ZPBP: variants seen among roughly 807,000 people sequenced by gnomAD.
ZPBP encodes zona pellucida-binding protein 1.
ZPBP carries 26 observed loss-of-function variants against 44.8 expected under a neutral mutation model. The observed-to-expected ratio is 0.58, with a 90% CI of 0.43 to 0.81. The LOEUF (loss-of-function observed/expected upper bound fraction) is 0.81, where lower values mean the gene tolerates loss of function less well. ZPBP is among the 30% of genes least tolerant of loss of function. ZPBP has a pLI of 0.00. For synonymous variants in ZPBP, 174 were observed against 153.2 expected, an observed-to-expected ratio of 1.14 and a Z score of -1.00; for missense variants, 409 against 434.0, an observed-to-expected ratio of 0.94 and a Z score of 0.51.
At chr7:50,075,681 C>G (rs117155175) in intron 3 of ZPBP, among the ~76,000 whole-genome samples, 1,673 of 152,012 alleles carry the variant, frequency 0.011, 17 homozygotes, top group South Asian at 0.059. Context: ...TAGATACATA[C>G]AACCTACCAA....
chr7:49,912,127 G>A (rs770654740), intron 1 of ZPBP: 2 of 1,614,102 alleles, frequency 1.2e-6, no homozygotes, highest in African/African-American at 2.7e-5. Context: ...TATGAGGAAG[G>A]CACATGGAGA....
At chr7:49,859,030 C>T (rs936952487) in intron 2 of ZPBP, among the ~76,000 whole-genome samples, 1 of 152,146 alleles carries the variant, frequency 6.6e-6, no homozygotes, top group East Asian at 1.9e-4. Flanking sequence ...TGGTTTTTAG[C>T]GACTGCAGGT....
At chr7:50,090,331 T>C (rs1050293999) in intron 1 of ZPBP, among the ~76,000 whole-genome samples, 4 of 152,014 alleles carry the variant, frequency 2.6e-5, no homozygotes, top group Non-Finnish European at 5.9e-5. Flanking sequence ...CTCCCACTTA[T>C]AAATGAGAAC....
intron 2 of ZPBP, among the ~76,000 whole-genome samples, chr7:49,875,334 C>T (rs1256395063): frequency 8.4e-6 from 1 of 119,136 alleles, no homozygotes; most frequent in East Asian, 2.7e-4. Context: ...CACACCACTG[C>T]TCTCCAGCCT....
At chr7:50,022,435 C>G (rs1301154743) in intron 5 of ZPBP, among the ~76,000 whole-genome samples, 2 of 151,638 alleles carry the variant, frequency 1.3e-5, no homozygotes, top group African/African-American at 4.8e-5. Context: ...TATAACTAAG[C>G]TGGAATCAAT....
rs1485667587 is a variant in ZPBP, at chr7:49,939,409, T to C, written c.962-1787A>G. ...CATGTGTAACATCATATAGTTCCTATGTGTAGCACTCCTTCCTAGTATACA... is the reference window on the plus strand; with the variant it reads ...CATGTGTAACATCATATAGTTCCTACGTGTAGCACTCCTTCCTAGTATACA... On this transcript the variant is annotated intron_variant, in intron 7 of 7. Transcript: ENST00000046087. 3.3e-5 allele frequency among the ~76,000 whole-genome samples: 5 copies of C among 152,320 alleles called. No individual in the cohort carries two copies. In the East Asian group the frequency reaches 5.8e-4, roughly 18 times the overall value.
intron 7 of ZPBP, chr7:49,940,716 C>T: frequency 5.1e-6 from 5 of 981,870 alleles, no homozygotes; most frequent in Non-Finnish European, 6.0e-6. Flanking sequence ...TTTTACTCAC[C>T]ACTGTCCCAC....
intron 7 of ZPBP, among the ~76,000 whole-genome samples, chr7:49,939,033 A>ATTTAATAAAAATTATTTAATTATTTAAT (rs1314812405): frequency 5.9e-5 from 9 of 152,188 alleles, no homozygotes; most frequent in African/African-American, 2.2e-4. Context: ...AAGTTTAATT[A>ATTTAATAAAAATTATTTAATTATTTAAT]AACAAAGTAG....
chr7:49,899,329 C>CA (rs1213114541), intron 2 of ZPBP, among the ~76,000 whole-genome samples: 2 of 151,766 alleles, frequency 1.3e-5, no homozygotes, highest in African/African-American at 4.8e-5. Flanking sequence ...TAGAGCAGTG[C>CA]AAAAAAATTA....
chr7:49,995,996 T>G (rs896739173), intron 6 of ZPBP, among the ~76,000 whole-genome samples: 4 of 152,192 alleles, frequency 2.6e-5, no homozygotes, highest in African/African-American at 9.7e-5. Context: ...ATGCATTTTA[T>G]ATTTCAAAAA....
At chr7:49,908,523 A>T (rs781276378) in intron 1 of ZPBP, among the ~76,000 whole-genome samples, 3 of 152,210 alleles carry the variant, frequency 2.0e-5, no homozygotes, top group Non-Finnish European at 4.4e-5. Flanking sequence ...TTTTTGAATT[A>T]TAATTAATAT....
chr7:49,951,324 A>T (rs1013175662), intron 7 of ZPBP, among the ~76,000 whole-genome samples: 1 of 151,720 alleles, frequency 6.6e-6, no homozygotes, highest in Non-Finnish European at 1.5e-5. Flanking sequence ...CTGAGAATCT[A>T]ATATATAGAC....
chr7:49,966,721 C>A (rs1397326464), intron 7 of ZPBP, among the ~76,000 whole-genome samples: 1 of 152,132 alleles, frequency 6.6e-6, no homozygotes, highest in Non-Finnish European at 1.5e-5. Context: ...CCAAAAGACA[C>A]AAACAATCAA....
intron 5 of ZPBP, among the ~76,000 whole-genome samples, chr7:50,030,525 A>G (rs1025228584): frequency 2.6e-5 from 4 of 151,970 alleles, no homozygotes; most frequent in African/African-American, 9.7e-5. Flanking sequence ...AAAAAAGGAG[A>G]AAGGAAACTA....
At chr7:50,032,594 G>C (rs1799651901) in intron 4 of ZPBP, among the ~76,000 whole-genome samples, 1 of 152,106 alleles carries the variant, frequency 6.6e-6, no homozygotes, top group Non-Finnish European at 1.5e-5. Flanking sequence ...CGTTGCAGGT[G>C]GGAGGCTGCT....
chr7:50,040,538 G>A (rs148823256), intron 4 of ZPBP, among the ~76,000 whole-genome samples: 1,968 of 152,214 alleles, frequency 0.013, 25 homozygotes, highest in Non-Finnish European at 0.016. Flanking sequence ...GGTGGGTGTC[G>A]CCTCACCCGG....
At chr7:50,008,923 G>C (rs149958877) in intron 6 of ZPBP, among the ~76,000 whole-genome samples, 27 of 152,090 alleles carry the variant, frequency 1.8e-4, no homozygotes, top group African/African-American at 4.3e-4. Context: ...TTTGCAATAA[G>C]CAAAAGAGTA....
chr7:49,972,041 C>T (rs984301484), intron 7 of ZPBP, among the ~76,000 whole-genome samples: 3 of 151,848 alleles, frequency 2.0e-5, no homozygotes, highest in African/African-American at 7.2e-5. Flanking sequence ...CAATGTCAAC[C>T]CCTTTTTTCT....
At chr7:49,941,217 G>GA (rs1338849951) in intron 7 of ZPBP, among the ~76,000 whole-genome samples, 1 of 152,120 alleles carries the variant, frequency 6.6e-6, no homozygotes, top group Non-Finnish European at 1.5e-5. Flanking sequence ...AAGCTACTAT[G>GA]AAAAACAATA....
Sources: gnomAD v4.1 joint callset for allele counts (sites outside exome capture counted in the v4.1 genomes callset) on GRCh38, gnomAD v4.1.1 for gene constraint, MANE v1.5 for transcripts, NCBI Gene and HGNC (gene_info 2026-07-23, HGNC 2026-07-21) for gene names.